The following SLC22A14 variants were observed in gnomAD, a reference collection of about 807,000 sequenced individuals.
SLC22A14 encodes the protein organic cation transporter-like 4.
In SLC22A14, 50 loss-of-function variants were observed where a neutral mutation model predicts 53.9. That is an observed-to-expected ratio of 0.93 (90% CI 0.74 to 1.17). SLC22A14 has a LOEUF of 1.17. Among genes scored for constraint, SLC22A14 ranks in the 50% most tolerant of loss-of-function variants. The pLI, the probability that SLC22A14 is intolerant of heterozygous loss-of-function variation, is 0.00. For synonymous variants in SLC22A14, 312 were observed against 303.0 expected (o/e 1.03, Z -0.31); for missense variants, 671 against 734.7 (o/e 0.91, Z 1.00).
intron 8 of SLC22A14, among the ~76,000 whole-genome samples, chr3:38,315,319 G>A (rs1704590111): frequency 6.6e-6 from 1 of 152,244 alleles, no homozygotes; most frequent in Non-Finnish European, 1.5e-5. Flanking sequence ...GTGTAGCATG[G>A]GAGACAGTGG....
At chr3:38,305,631 C>T in intron 1 of SLC22A14, 1 of 172,628 alleles carries the variant, frequency 5.8e-6, no homozygotes, top group Non-Finnish European at 1.2e-5. Context: ...GCCGACGATG[C>T]AGATCTTTGT....
intron 1 of SLC22A14, among the ~76,000 whole-genome samples, chr3:38,304,604 C>T (rs1251594920): frequency 6.6e-6 from 1 of 152,128 alleles, no homozygotes; most frequent in Non-Finnish European, 1.5e-5. Flanking sequence ...GTTGCCTAGG[C>T]TGGTCTTGAA....
intron 1 of SLC22A14, chr3:38,303,812 G>C (rs1460127927): frequency 6.6e-6 from 1 of 151,756 alleles, no homozygotes; most frequent in Non-Finnish European, 1.5e-5. Flanking sequence ...TGTCATCCTT[G>C]TGCAGAGGTC....
chr3:38,298,666 C>T (rs967684755), intron 1 of SLC22A14, among the ~76,000 whole-genome samples: 20 of 152,154 alleles, frequency 1.3e-4, no homozygotes, highest in South Asian at 6.2e-4. Flanking sequence ...AGCAATTCTC[C>T]GCCTCAGCCT....
intron 1 of SLC22A14, among the ~76,000 whole-genome samples, chr3:38,289,408 G>C (rs927587753): frequency 6.6e-6 from 1 of 152,008 alleles, no homozygotes; most frequent in Non-Finnish European, 1.5e-5. Flanking sequence ...ACTGTGATTC[G>C]TTGTCATGTT....
At chr3:38,306,913 C>G (rs190308133) in intron 2 of SLC22A14, among the ~76,000 whole-genome samples, 1 of 152,222 alleles carries the variant, frequency 6.6e-6, no homozygotes, top group African/African-American at 2.4e-5. Flanking sequence ...AGGCCCTTTA[C>G]AACACAGACC....
rs528875075 is a variant in SLC22A14, at chr3:38,288,487, A to G, written c.-1+6148A>G. Among the ~76,000 whole-genome samples, 4 of 152,198 alleles carry G rather than the reference A, an allele frequency of 2.6e-5. No homozygotes were observed. In the East Asian group the frequency reaches 7.7e-4, roughly 29 times the overall value. The stretch of plus-strand genomic sequence containing the variant: ...GGATCAAATGGTACTCCTATTTTTA[A>G]TTTTTTTAGGGACCATCATACTGTT... On this transcript the variant is annotated intron_variant, in intron 1 of 10. Coordinates refer to ENST00000448498, the MANE Select transcript of SLC22A14 (RefSeq NM_001320033.2).
chr3:38,289,363 C>A (rs1703860896), intron 1 of SLC22A14, among the ~76,000 whole-genome samples: 1 of 152,080 alleles, frequency 6.6e-6, no homozygotes, highest in Non-Finnish European at 1.5e-5. Flanking sequence ...CACTAACATT[C>A]TTTTCCCAGT....
intron 7 of SLC22A14, 21 bp from the exon 8 acceptor site, chr3:38,313,706 T>TG: frequency 1.0e-6 from 1 of 1,001,470 alleles, no homozygotes; most frequent in Non-Finnish European, 1.4e-6. Context: ...GCACGCGCAC[T>TG]TGCCTCCTGG....
intron 1 of SLC22A14, among the ~76,000 whole-genome samples, chr3:38,300,498 A>G (rs1326878637): frequency 6.6e-6 from 1 of 152,174 alleles, no homozygotes; most frequent in African/African-American, 2.4e-5. Context: ...GGTACAATGC[A>G]AGGTCAATAA....
intron 1 of SLC22A14, among the ~76,000 whole-genome samples, chr3:38,294,696 T>G (rs1047509298): frequency 2.0e-5 from 3 of 152,166 alleles, no homozygotes; most frequent in Non-Finnish European, 4.4e-5. Context: ...GGATTAGTTA[T>G]GCTCACCGAT....
intron 6 of SLC22A14, 128 bp from the exon 7 acceptor site, chr3:38,313,260 A>C: frequency 7.0e-7 from 1 of 1,434,370 alleles, no homozygotes; most frequent in Non-Finnish European, 9.8e-7. Context: ...AGCAAAATTG[A>C]ACCCTGCCAG....
intron 1 of SLC22A14, among the ~76,000 whole-genome samples, chr3:38,298,657 G>A (rs892510687): frequency 1.3e-5 from 2 of 152,142 alleles, no homozygotes; most frequent in African/African-American, 4.8e-5. Context: ...CTGGGTTCAA[G>A]CAATTCTCCG....
chr3:38,317,818 T>G (rs929591216), intron 10 of SLC22A14, among the ~76,000 whole-genome samples: 21 of 152,366 alleles, frequency 1.4e-4, no homozygotes, highest in African/African-American at 4.8e-4. Flanking sequence ...ATCCCCATTT[T>G]ACAGGTGAGA....
chr3:38,317,214 G>A (rs1704647614), intron 10 of SLC22A14, among the ~76,000 whole-genome samples: 1 of 152,222 alleles, frequency 6.6e-6, no homozygotes, highest in Non-Finnish European at 1.5e-5. Context: ...TGCCACAGCA[G>A]TCACTGCCTC....
At chr3:38,308,263 A>G (rs187595172) in intron 4 of SLC22A14, 327 of 163,476 alleles carry the variant, frequency 2.0e-3, no homozygotes, top group Middle Eastern at 0.018. Flanking sequence ...GAAGAAGAAG[A>G]AGAAGGAGAA....
At chr3:38,279,484 A>G (rs938903375), upstream of SLC22A14, among the ~76,000 whole-genome samples, 1 of 152,150 alleles carries the variant, frequency 6.6e-6, no homozygotes, top group Non-Finnish European at 1.5e-5. Context: ...GGTTTTGCCA[A>G]GTTGGCCAGG....
chr3:38,318,178 T>C lies in SLC22A14; in HGVS notation c.1734-20T>C. The C allele has an allele frequency of 1.2e-6, 2 of 1,612,032 alleles. No individual in the cohort carries two copies. Among genetic ancestry groups the C allele is most frequent in the East Asian group, 4.5e-5 (2 of 44,866 alleles). ...CCAGAAAGATGTGGCCCTGGACTCA[T>C]CCTCTGATGGCTCTTTCAGGAATAA... On this transcript the variant is annotated intron_variant, in intron 10 of 10. Transcript: ENST00000448498.
chr3:38,288,733 G>A (rs1319547040), intron 1 of SLC22A14, among the ~76,000 whole-genome samples: 2 of 151,760 alleles, frequency 1.3e-5, no homozygotes, highest in Admixed American at 1.3e-4. Context: ...AGTTTGAAAT[G>A]ATTAAAAAAA....
Sources: gnomAD v4.1 joint callset for allele counts (sites outside exome capture counted in the v4.1 genomes callset) on GRCh38, gnomAD v4.1.1 for gene constraint, MANE v1.5 for transcripts, NCBI Gene and HGNC (gene_info 2026-07-23, HGNC 2026-07-21) for gene names.